The following TRANK1 variants were observed in gnomAD, a reference collection of about 807,000 sequenced individuals.
TRANK1 encodes the protein TPR and ankyrin repeat-containing protein 1.
TRANK1 carries 198 observed loss-of-function variants against 266.0 expected under a neutral mutation model. The ratio of observed to expected loss-of-function variants is 0.74; its 90% CI spans 0.66 to 0.84. The LOEUF is 0.84. Among genes scored for constraint, TRANK1 ranks in the 40% least tolerant of loss-of-function variants. The pLI is 0.00. For synonymous variants in TRANK1, 1,396 were observed against 1,384.1 expected, an observed-to-expected ratio of 1.01 and a Z score of -0.19; for missense variants, 3,326 against 3,634.6, an observed-to-expected ratio of 0.92 and a Z score of 2.18.
intron 8 of TRANK1, among the ~76,000 whole-genome samples, chr3:36,887,704 G>A (rs139481091): frequency 6.6e-6 from 1 of 152,322 alleles, no homozygotes; most frequent in East Asian, 1.9e-4. Context: ...GCCCAGGGAA[G>A]CCAAAAGATC....
intron 1 of TRANK1, among the ~76,000 whole-genome samples, chr3:36,922,472 G>C (rs2080229376): frequency 6.6e-6 from 1 of 152,172 alleles, no homozygotes; most frequent in Non-Finnish European, 1.5e-5. Flanking sequence ...GGGTGTGGTG[G>C]TGGGTGTCTG....
intron 1 of TRANK1, among the ~76,000 whole-genome samples, chr3:36,922,534 G>A (rs890168846): frequency 2.6e-5 from 4 of 152,086 alleles, no homozygotes; most frequent in African/African-American, 2.4e-5. Flanking sequence ...GAAACCAGAA[G>A]GTGGAGGTTG....
At chr3:36,895,842 A>T (rs976590130) in intron 4 of TRANK1, 84 bp from the exon 5 acceptor site, 13 of 804,144 alleles carry the variant, frequency 1.6e-5, no homozygotes, top group African/African-American at 1.4e-4. Flanking sequence ...TTAAGTTCAC[A>T]CATAGACAAA....
intron 1 of TRANK1, among the ~76,000 whole-genome samples, chr3:36,934,366 C>G (rs1454803922): frequency 6.6e-6 from 1 of 152,216 alleles, no homozygotes; most frequent in Non-Finnish European, 1.5e-5. Context: ...TTCCACATCC[C>G]ATTGCCCTGA....
intron 1 of TRANK1, among the ~76,000 whole-genome samples, chr3:36,920,897 A>G (rs13314421): frequency 0.39 from 59,349 of 152,046 alleles, 12,246 homozygotes; most frequent in Non-Finnish European, 0.47. Flanking sequence ...TATTGGATAC[A>G]ATGAGTTCTA....
chr3:36,899,227 C>A lies in TRANK1; in HGVS notation c.315G>T (p.Arg105Ser), dbSNP rs1362332930. 3.9e-6 allele frequency: 6 copies of A among 1,537,158 alleles called. No individual in the cohort carries two copies. Among genetic ancestry groups the A allele is most frequent in the African/African-American group, 2.7e-5 (2 of 73,034 alleles). Residue 105 changes from arginine (R) to serine (S), a missense_variant, in exon 4 of 24, where the codon AGG (arginine) becomes AGT (serine). By Grantham distance (110) the Arg-to-Ser change is moderately radical. Coordinates refer to ENST00000645898, the MANE Select transcript of TRANK1 (RefSeq NM_001329998.2). ...GAGCGGCTTCGTAAGGCTGGTGCAA[C>A]CTCAGCAAGGAATAACCAGCTCGGT... ...GYYRAGYSLL[R>S]LHQPYEAARM...
chr3:36,899,350 C>T (rs890283903), intron 3 of TRANK1, 91 bp from the exon 4 acceptor site: 1 of 1,402,232 alleles, frequency 7.1e-7, no homozygotes, highest in East Asian at 2.5e-5. Context: ...CATGGGAAAT[C>T]CAACTCTAAA....
intron 8 of TRANK1, among the ~76,000 whole-genome samples, chr3:36,875,157 T>C (rs959301910): frequency 1.3e-5 from 2 of 152,188 alleles, no homozygotes; most frequent in Non-Finnish European, 2.9e-5. Context: ...TAGGTGCTGC[T>C]GTGATGAAAT....
chr3:36,851,038 C>A (rs371550005), intron 15 of TRANK1: 5 of 985,404 alleles, frequency 5.1e-6, no homozygotes, highest in African/African-American at 3.5e-5. Flanking sequence ...CCCAGGACAA[C>A]GGCTGTGAGT....
chr3:36,875,734 G>T (rs941031363), intron 8 of TRANK1, among the ~76,000 whole-genome samples: 1 of 152,194 alleles, frequency 6.6e-6, no homozygotes, highest in Admixed American at 6.5e-5. Flanking sequence ...CTTTTAAAAG[G>T]CACTACATAA....
intron 1 of TRANK1, among the ~76,000 whole-genome samples, chr3:36,941,014 A>G (rs926358542): frequency 1.3e-5 from 2 of 152,192 alleles, no homozygotes; most frequent in African/African-American, 4.8e-5. Context: ...TCTAAGGGTG[A>G]GCAAAAATGA....
intron 20 of TRANK1, among the ~76,000 whole-genome samples, chr3:36,837,197 A>G (rs370130359): frequency 2.0e-5 from 3 of 152,202 alleles, no homozygotes; most frequent in East Asian, 1.9e-4. Flanking sequence ...AGGTGCCACA[A>G]GAGTGAAAGC....
intron 20 of TRANK1, 93 bp from the exon 21 acceptor site, chr3:36,835,000 T>G: frequency 1.6e-6 from 2 of 1,256,948 alleles, no homozygotes; most frequent in Non-Finnish European, 2.1e-6. Context: ...AGGATAGTCA[T>G]ATGTCTGCTT....
chr3:36,908,137 CT>C (rs1192101542), intron 2 of TRANK1, among the ~76,000 whole-genome samples, 185 bp downstream of exon 2: 1 of 152,224 alleles, frequency 6.6e-6, no homozygotes, highest in Non-Finnish European at 1.5e-5. Context: ...CTATGTTTCA[CT>C]TTCTATTTCC....
chr3:36,943,881 AT>A (rs1354620535), intron 1 of TRANK1, among the ~76,000 whole-genome samples: 12 of 151,690 alleles, frequency 7.9e-5, no homozygotes, highest in Admixed American at 2.0e-4. Flanking sequence ...TGCTTCTTAA[AT>A]TTTTTTTTCT....
chr3:36,916,668 A>G (rs547221099), intron 1 of TRANK1, among the ~76,000 whole-genome samples: 17 of 152,232 alleles, frequency 1.1e-4, no homozygotes, highest in South Asian at 6.2e-4. Flanking sequence ...AGCAGCCAAT[A>G]AGAGTTCCTG....
chr3:36,862,497 G>A (rs571012744), intron 10 of TRANK1, among the ~76,000 whole-genome samples: 6 of 152,172 alleles, frequency 3.9e-5, no homozygotes, highest in South Asian at 2.1e-4. Context: ...TTTTGTCCCC[G>A]GAATCTATTC....
At chr3:36,918,911 C>A (rs1019192397) in intron 1 of TRANK1, among the ~76,000 whole-genome samples, 1 of 152,150 alleles carries the variant, frequency 6.6e-6, no homozygotes, top group Non-Finnish European at 1.5e-5. Flanking sequence ...AAGACCCTGG[C>A]CCCGCTGACA....
intron 5 of TRANK1, among the ~76,000 whole-genome samples, chr3:36,894,225 T>C (rs2079754585): frequency 6.6e-6 from 1 of 152,198 alleles, no homozygotes; most frequent in Admixed American, 6.5e-5. Flanking sequence ...TCTCTCATTC[T>C]CTGCCTAGGC....
Sources: allele counts gnomAD v4.1 joint callset (sites outside exome capture counted in the v4.1 genomes callset), GRCh38; gene constraint gnomAD v4.1.1; transcripts MANE v1.5; gene names NCBI Gene and HGNC (gene_info 2026-07-23, HGNC 2026-07-21).